SSBP2: variants seen among roughly 807,000 people sequenced by gnomAD.
SSBP2 encodes the protein single stranded DNA binding protein 2.
Under a neutral mutation model 61.8 loss-of-function variants are expected in SSBP2, and 17 were observed. The ratio of observed to expected loss-of-function variants is 0.28; its 90% CI spans 0.19 to 0.41. The LOEUF (loss-of-function observed/expected upper bound fraction) is 0.41, where lower values mean the gene tolerates loss of function less well. Among genes scored for constraint, SSBP2 ranks in the 10% least tolerant of loss-of-function variants. The probability of loss-of-function intolerance (pLI) is 1.00; values close to 1 mark genes in which losing one functional copy is unlikely to be tolerated. For missense variants in SSBP2, 310 were observed against 458.7 expected, an observed-to-expected ratio of 0.68 and a Z score of 2.96; for synonymous variants, 139 against 141.3, an observed-to-expected ratio of 0.98 and a Z score of 0.12.
At chr5:81,646,132 C>T (rs1581242521) in intron 2 of SSBP2, among the ~76,000 whole-genome samples, 1 of 152,052 alleles carries the variant, frequency 6.6e-6, no homozygotes, top group South Asian at 2.1e-4. Context: ...TTGGCCTTCT[C>T]GCAACTTCAC....
intron 1 of SSBP2, among the ~76,000 whole-genome samples, chr5:81,708,281 A>G (rs1006035671): frequency 6.6e-6 from 1 of 152,180 alleles, no homozygotes; most frequent in Non-Finnish European, 1.5e-5. Flanking sequence ...ATAAGCTATG[A>G]AAGAGTTATG....
chr5:81,674,491 T>C (rs187520668), intron 1 of SSBP2, among the ~76,000 whole-genome samples: 55 of 152,304 alleles, frequency 3.6e-4, no homozygotes, highest in Admixed American at 1.3e-3. Context: ...TCAATGACAG[T>C]TGGTTAAATG....
chr5:81,429,253 C>T (rs11952450), intron 15 of SSBP2, among the ~76,000 whole-genome samples: 1,656 of 152,252 alleles, frequency 0.011, 26 homozygotes, highest in African/African-American at 0.037. Context: ...TTATTATGTA[C>T]TCTTAGAGGA....
intron 1 of SSBP2, among the ~76,000 whole-genome samples, chr5:81,667,216 G>C (rs142315547): frequency 1.1e-4 from 17 of 151,910 alleles, no homozygotes; most frequent in East Asian, 1.9e-4. Flanking sequence ...CTTGAGTTGA[G>C]ACCAAGATTT....
chr5:81,587,755 A>G (rs200580650), intron 4 of SSBP2, among the ~76,000 whole-genome samples: 32 of 137,910 alleles, frequency 2.3e-4, no homozygotes, highest in South Asian at 2.2e-3. Context: ...ACGCACACAC[A>G]CGCGCGCGCA....
chr5:81,740,986 C>T (rs417590), intron 1 of SSBP2, among the ~76,000 whole-genome samples: 102,251 of 152,046 alleles, frequency 0.67, 34,705 homozygotes, highest in Middle Eastern at 0.75. Flanking sequence ...ATCCTCATGC[C>T]ACCTCCCACA....
In SSBP2 at chr5:81,568,328, C is replaced by T. The variant is rs147750708; in HGVS notation, c.282+47145G>A. Among the ~76,000 whole-genome samples, 84 of 152,192 alleles carry T rather than the reference C, an allele frequency of 5.5e-4. No homozygotes were observed. In the East Asian group the frequency reaches 9.1e-3, roughly 16 times the overall value. On this transcript the variant is annotated intron_variant, in intron 4 of 16. Coordinates refer to ENST00000320672, the MANE Select transcript of SSBP2 (RefSeq NM_012446.5). Reference sequence around the variant, plus strand: ...ATCTGATGGTTTTATCAGGTGTTTCCGGTTTTGCATTTTCCTCATTCTCTC... The same window carrying T: ...ATCTGATGGTTTTATCAGGTGTTTCTGGTTTTGCATTTTCCTCATTCTCTC...
intron 1 of SSBP2, among the ~76,000 whole-genome samples, chr5:81,664,465 A>C (rs369584321): frequency 2.0e-5 from 3 of 152,212 alleles, no homozygotes; most frequent in Admixed American, 1.3e-4. Flanking sequence ...AGCTCCTAAA[A>C]TAGTAGGTAA....
chr5:81,750,884 C>T, intron 1 of SSBP2, 97 bp downstream of exon 1: 1 of 1,388,364 alleles, frequency 7.2e-7, no homozygotes, highest in Non-Finnish European at 9.9e-7. Flanking sequence ...CGGCGCTCCC[C>T]GGGCGGAGAG....
intron 1 of SSBP2, among the ~76,000 whole-genome samples, chr5:81,674,358 C>G (rs1001118325): frequency 3.3e-5 from 5 of 152,138 alleles, no homozygotes; most frequent in Non-Finnish European, 7.4e-5. Flanking sequence ...AACTCTATTT[C>G]TTCACAATAT....
rs781695194 is a variant in SSBP2 at position 81,751,010 on chromosome 5, G to A, written c.33C>T (p.Ala11=). The change falls in exon 1 of 17, where the codon GCC becomes GCT. Residue 11 remains alanine (A), a synonymous_variant. Coordinates refer to ENST00000320672, the MANE Select transcript of SSBP2 (RefSeq NM_012446.5). Reference sequence around the variant, plus strand: ...CCCGGGCCTGGCTGTCGGACGGGACGGCGCTGCTGTTACTCTTGCCTTTGC... The same window carrying A: ...CCCGGGCCTGGCTGTCGGACGGGACAGCGCTGCTGTTACTCTTGCCTTTGC... The A allele has an allele frequency of 5.0e-6, 8 of 1,599,482 alleles. No individual in the cohort carries two copies. Among genetic ancestry groups the A allele is most frequent in the Non-Finnish European group, 6.0e-6 (7 of 1,173,214 alleles).
chr5:81,427,125 T>A (rs1762003065), intron 16 of SSBP2, among the ~76,000 whole-genome samples: 1 of 152,206 alleles, frequency 6.6e-6, no homozygotes, highest in South Asian at 2.1e-4. Context: ...TACCACTTTA[T>A]TGCTGGTAAA....
At chr5:81,567,428 T>TG (rs756725929) in intron 4 of SSBP2, among the ~76,000 whole-genome samples, 1 of 152,200 alleles carries the variant, frequency 6.6e-6, no homozygotes, top group Non-Finnish European at 1.5e-5. Flanking sequence ...AATTGAGGTT[T>TG]GGGAACCTCT....
Position 81,420,399 on chromosome 5 carries a change from G to T in SSBP2, c.*105C>A. The stretch of plus-strand genomic sequence containing the variant: ...ATAAAAAGGTTGGTTTGGTGTGACT[G>T]AGATTCCTTTGTTTAACTGTACACT... On this transcript the variant is annotated 3_prime_UTR_variant, in exon 17 of 17. Coordinates refer to ENST00000320672, the MANE Select transcript of SSBP2 (RefSeq NM_012446.5). The T allele has an allele frequency of 8.6e-7, 1 of 1,156,212 alleles. No individual in the cohort carries two copies. Among genetic ancestry groups the T allele is most frequent in the Non-Finnish European group, 1.3e-6 (1 of 775,232 alleles). 71.6% of individuals were successfully genotyped at this position (1,156,212 alleles called of 1,614,324 possible).
chr5:81,651,827 A>G (rs1167831805), intron 1 of SSBP2, among the ~76,000 whole-genome samples: 1 of 152,116 alleles, frequency 6.6e-6, no homozygotes, highest in Non-Finnish European at 1.5e-5. Context: ...TGTTCCCTCC[A>G]CTAGTGACTC....
At position 81,423,777 on chromosome 5, in the gene SSBP2, T is replaced by C. The variant is rs143739491; in HGVS notation, c.1057-3244A>G. Among the ~76,000 whole-genome samples, 452 of 152,212 alleles carry C rather than the reference T, an allele frequency of 3.0e-3. 2 individuals are homozygous for C. Among genetic ancestry groups the C allele is most frequent in the African/African-American group, 0.011 (443 of 41,546 alleles). On this transcript the variant is annotated intron_variant, in intron 16 of 16. Transcript: ENST00000320672. ...AAAAAATTATTCCAGTTCATTCATA[T>C]GTCAGGTTATGTTAGGAAATAGTGT... is the stretch of plus-strand genomic sequence containing the variant.
In SSBP2 at chr5:81,627,846, G is replaced by A. The variant is rs529963872; in HGVS notation, c.197+8711C>T. Among the ~76,000 whole-genome samples the A allele has an allele frequency of 6.6e-5, 10 of 152,020 alleles. No homozygotes were observed. The South Asian group carries it at 1.0e-3, about 16-fold the overall frequency. On this transcript the variant is annotated intron_variant, in intron 3 of 16. Transcript: ENST00000320672. ...GCAGAAGCAGAGGCGAGTGAGTCTCGATCCCAGGAGTTTGAGACCAGCCTG... is the reference window on the plus strand; with the variant it reads ...GCAGAAGCAGAGGCGAGTGAGTCTCAATCCCAGGAGTTTGAGACCAGCCTG...
At chr5:81,725,086 A>G (rs1347109409) in intron 1 of SSBP2, among the ~76,000 whole-genome samples, 1 of 152,206 alleles carries the variant, frequency 6.6e-6, no homozygotes, top group Non-Finnish European at 1.5e-5. Flanking sequence ...ATAACATAAT[A>G]TAAGGTTTTG....
At chr5:81,520,898 T>A (rs1461093140) in intron 4 of SSBP2, among the ~76,000 whole-genome samples, 1 of 152,246 alleles carries the variant, frequency 6.6e-6, no homozygotes, top group East Asian at 1.9e-4. Context: ...GTGGATTCTA[T>A]CCTTTATTAA....
Sources: allele counts gnomAD v4.1 joint callset (sites outside exome capture counted in the v4.1 genomes callset), GRCh38; gene constraint gnomAD v4.1.1; transcripts MANE v1.5; gene names NCBI Gene and HGNC (gene_info 2026-07-23, HGNC 2026-07-21).